The following CALN1 variants were observed in gnomAD, a reference collection of about 807,000 sequenced individuals.
CALN1 encodes the protein calneuron 1.
In CALN1, 17 loss-of-function variants were observed where a neutral mutation model predicts 30.6. The ratio of observed to expected loss-of-function variants is 0.56; its 90% confidence interval spans 0.38 to 0.83. The LOEUF (loss-of-function observed/expected upper bound fraction) is 0.83, where lower values mean the gene tolerates loss of function less well. CALN1 is among the 40% of genes least tolerant of loss of function. CALN1 has a pLI of 0.00. For synonymous variants in CALN1, 156 were observed against 131.4 expected, an observed-to-expected ratio of 1.19 and a Z score of -1.28; for missense variants, 291 against 354.9, an observed-to-expected ratio of 0.82 and a Z score of 1.45.
rs1056062398 is a variant in CALN1 at position 71,787,918 on chromosome 7, G to A, written c.659-16C>T. On this transcript the variant is annotated splice_polypyrimidine_tract_variant and intron_variant, in intron 6 of 6. Coordinates refer to ENST00000395275, the MANE Select transcript of CALN1 (RefSeq NM_031468.4). ...TGGGAATGCACTGGTGGTGGGAGAA[G>A]CAGGTGTGGGAAGAAGGAAGAGGGG... 3.1e-6 allele frequency: 5 copies of A among 1,613,826 alleles called. No homozygotes were observed. The highest frequency in any genetic ancestry group is 2.7e-5 in the African/African-American group (2 of 74,932).
At chr7:71,931,954 C>A (rs1256805055) in intron 5 of CALN1, among the ~76,000 whole-genome samples, 1 of 152,128 alleles carries the variant, frequency 6.6e-6, no homozygotes, top group Non-Finnish European at 1.5e-5. Flanking sequence ...AGAATCAGGG[C>A]AGTTGGCATG....
intron 2 of CALN1, among the ~76,000 whole-genome samples, chr7:72,304,282 T>C (rs1350888368): frequency 6.6e-6 from 1 of 152,222 alleles, no homozygotes; most frequent in Non-Finnish European, 1.5e-5. Context: ...TCCACGTTCT[T>C]CCTGTCTTTC....
chr7:72,229,200 G>A (rs910921254), intron 3 of CALN1, among the ~76,000 whole-genome samples: 2 of 152,036 alleles, frequency 1.3e-5, no homozygotes, highest in Admixed American at 1.3e-4. Flanking sequence ...CTGGTCCCCA[G>A]AACCTGTGAA....
At chr7:72,339,373 A>T (rs1030503931) in intron 2 of CALN1, among the ~76,000 whole-genome samples, 1 of 152,184 alleles carries the variant, frequency 6.6e-6, no homozygotes, top group South Asian at 2.1e-4. Context: ...TAGCAATCTT[A>T]TAACTGAGAT....
chr7:71,837,906 C>T (rs1421716693), intron 5 of CALN1, among the ~76,000 whole-genome samples: 2 of 150,924 alleles, frequency 1.3e-5, no homozygotes, highest in Non-Finnish European at 2.9e-5. Flanking sequence ...AAGATCAAAA[C>T]GCCAGAACAG....
intron 3 of CALN1, among the ~76,000 whole-genome samples, chr7:72,214,326 A>T (rs774654334): frequency 6.6e-6 from 1 of 152,084 alleles, no homozygotes; most frequent in Admixed American, 6.5e-5. Flanking sequence ...CTAAAAATAT[A>T]AGAATTAGCT....
chr7:72,470,988 C>T, the CALN1 span, among the ~76,000 whole-genome samples: 1 of 152,156 alleles, frequency 6.6e-6, no homozygotes, highest in African/African-American at 2.4e-5. Context: ...CAGAGTCTTG[C>T]TCTGTGGCCC....
intron 3 of CALN1, among the ~76,000 whole-genome samples, chr7:72,154,026 G>A (rs1233077910): frequency 6.6e-6 from 1 of 152,076 alleles, no homozygotes; most frequent in Non-Finnish European, 1.5e-5. Flanking sequence ...TTGGACACTA[G>A]GAGGGAGGTC....
chr7:71,921,695 T>C (rs1584514822), intron 5 of CALN1, among the ~76,000 whole-genome samples: 2 of 152,170 alleles, frequency 1.3e-5, no homozygotes, highest in South Asian at 4.1e-4. Flanking sequence ...GCATTTAGTG[T>C]GGAAGAAATC....
At chr7:72,044,164 A>T (rs556978993) in intron 4 of CALN1, among the ~76,000 whole-genome samples, 1 of 152,172 alleles carries the variant, frequency 6.6e-6, no homozygotes, top group East Asian at 1.9e-4. Flanking sequence ...GGCTGATTGC[A>T]CTTCCTAGTG....
intron 5 of CALN1, among the ~76,000 whole-genome samples, chr7:71,878,258 C>T (rs917551116): frequency 1.3e-5 from 2 of 152,072 alleles, no homozygotes; most frequent in Non-Finnish European, 2.9e-5. Context: ...TAATGTGGGC[C>T]AGGCACAGCG....
At chr7:72,228,220 G>A (rs1452494214) in intron 3 of CALN1, among the ~76,000 whole-genome samples, 1 of 151,896 alleles carries the variant, frequency 6.6e-6, no homozygotes, top group Non-Finnish European at 1.5e-5. Flanking sequence ...GTCAAAGAGA[G>A]AATGTAGTGT....
chr7:71,795,905 G>A (rs10281515), intron 6 of CALN1, among the ~76,000 whole-genome samples: 50,701 of 143,530 alleles, frequency 0.35, 12,709 homozygotes, highest in East Asian at 0.91. Flanking sequence ...TGCAAGCTCC[G>A]CCTCCCGGGT....
At chr7:72,407,496 G>T (rs769731667) in intron 1 of CALN1, among the ~76,000 whole-genome samples, 1 of 152,108 alleles carries the variant, frequency 6.6e-6, no homozygotes, top group Non-Finnish European at 1.5e-5. Context: ...TCTGGTTGTT[G>T]CAAGTGTGTG....
chr7:72,186,465 G>A (rs1428802456), intron 3 of CALN1, among the ~76,000 whole-genome samples: 1 of 152,058 alleles, frequency 6.6e-6, no homozygotes, highest in Admixed American at 6.6e-5. Context: ...ACATGTGCAG[G>A]TTTGTTACCT....
chr7:71,895,125 T>C (rs1168733646), intron 5 of CALN1, among the ~76,000 whole-genome samples: 1 of 152,110 alleles, frequency 6.6e-6, no homozygotes, highest in African/African-American at 2.4e-5. Flanking sequence ...CAGCTAATAT[T>C]TGTATTTTTT....
At chr7:72,116,584 C>A (rs987685074) in intron 3 of CALN1, among the ~76,000 whole-genome samples, 1 of 152,086 alleles carries the variant, frequency 6.6e-6, no homozygotes, top group Non-Finnish European at 1.5e-5. Flanking sequence ...TCCTGGATGG[C>A]GCCATGCAAA....
intron 3 of CALN1, among the ~76,000 whole-genome samples, chr7:72,149,021 C>T (rs1024650271): frequency 1.3e-5 from 2 of 152,026 alleles, no homozygotes; most frequent in African/African-American, 4.8e-5. Flanking sequence ...AGCCTAGCAT[C>T]TCCTGCTCTT....
intron 4 of CALN1, among the ~76,000 whole-genome samples, chr7:72,065,233 C>A (rs1038393200): frequency 2.0e-5 from 3 of 151,868 alleles, no homozygotes; most frequent in Non-Finnish European, 2.9e-5. Context: ...TTTAAATCAA[C>A]AATGCATCAT....
Sources: gnomAD v4.1 joint callset for allele counts (sites outside exome capture counted in the v4.1 genomes callset) on GRCh38, gnomAD v4.1.1 for gene constraint, MANE v1.5 for transcripts, NCBI Gene and HGNC (gene_info 2026-07-23, HGNC 2026-07-21) for gene names.